The following IFT122 variants were observed in gnomAD, a reference collection of about 807,000 sequenced individuals.
IFT122 encodes the protein intraflagellar transport 122, also known as intraflagellar transport protein 122 homolog.
Under a neutral mutation model 161.6 loss-of-function variants are expected in IFT122, and 118 were observed. The observed-to-expected ratio is 0.73, with a 90% confidence interval of 0.63 to 0.85. The LOEUF is 0.85. Ranked by LOEUF, IFT122 falls within the 40% of genes least tolerant of loss-of-function variation. The probability of loss-of-function intolerance (pLI) is 0.00; values close to 1 mark genes in which losing one functional copy is unlikely to be tolerated. For synonymous variants in IFT122, 550 were observed against 602.4 expected (o/e 0.91, Z 1.27); for missense variants, 1,381 against 1,579.6 (o/e 0.87, Z 2.13).
chr3:129,478,306 C>A, intron 12 of IFT122, 88 bp downstream of exon 12: 2 of 1,098,684 alleles, frequency 1.8e-6, no homozygotes, highest in African/African-American at 1.5e-5. Context: ...GGTTTTAAAA[C>A]TGGTCACTAG....
At chr3:129,486,919 G>T (rs930527040) in intron 15 of IFT122, among the ~76,000 whole-genome samples, 1 of 152,198 alleles carries the variant, frequency 6.6e-6, no homozygotes, top group Non-Finnish European at 1.5e-5. Context: ...CCCGCTAAAG[G>T]GAGCATTTAA....
Position 129,483,746 on chromosome 3 carries a change from C to A in IFT122, c.1851+64C>A, listed in dbSNP as rs941484182. 3 of 1,433,318 alleles carry A rather than the reference C, an allele frequency of 2.1e-6. No homozygotes were observed. In the African/African-American group the frequency reaches 4.3e-5, roughly 20 times the overall value. The allele number at this position is 1,433,318 out of a possible 1,614,324, so 88.8% of individuals were successfully genotyped here. A position where few individuals can be genotyped will look rare whatever the true frequency, so the allele number is the denominator to read the frequency against. ...GCTGACAAGACCAGGGAAGCTGGGC[C>A]CTTTGCTGGTGCTTTGGGGAGAGAG... is the stretch of plus-strand genomic sequence containing the variant. On this transcript the variant is annotated intron_variant, in intron 15 of 29. Transcript: ENST00000348417.
intron 24 of IFT122, chr3:129,512,812 C>T: frequency 7.5e-6 from 2 of 268,294 alleles, no homozygotes; most frequent in South Asian, 8.4e-5. Context: ...CCTTCTGTGC[C>T]CCAAGCCCTG....
Position 129,520,237 on chromosome 3 carries a change from G to C in IFT122, c.3698G>C (p.Arg1233Pro). The change falls in exon 30 of 30, where the codon CGC becomes CCC. Residue 1233 changes from arginine (R) to proline (P), a missense_variant. Arg to Pro is a moderately radical substitution (Grantham distance 103). Transcript: ENST00000348417. ...VLQHGCCPYC[R>P]RCKDDPGP ...CAGCATGGCTGCTGCCCCTACTGCC[G>C]CAGGTGCAAGGATGACCCTGGCCCA... The C allele has an allele frequency of 6.2e-7, 1 of 1,610,838 alleles. No individual in the cohort carries two copies.
Position 129,495,618 on chromosome 3 carries a change from C to T in IFT122, c.2208+11C>T, listed in dbSNP as rs1317654356. ...TTTGAGTATGCCAAGGTAACCTACCCTGTCCCAGGCCCAAGCTCCAGCTTG... is the reference window on the plus strand; with the variant it reads ...TTTGAGTATGCCAAGGTAACCTACCTTGTCCCAGGCCCAAGCTCCAGCTTG... On this transcript the variant is annotated intron_variant, in intron 18 of 29. Transcript: ENST00000348417. The T allele has an allele frequency of 1.2e-6, 2 of 1,614,124 alleles. No homozygotes were observed. The highest frequency in any genetic ancestry group is 2.2e-5 in the East Asian group (1 of 44,888).
At chr3:129,485,041 C>T (rs1163049012) in intron 15 of IFT122, among the ~76,000 whole-genome samples, 1 of 152,242 alleles carries the variant, frequency 6.6e-6, no homozygotes, top group Non-Finnish European at 1.5e-5. Flanking sequence ...CTTGTATTTA[C>T]AGCTGCATTT....
At position 129,520,193 on chromosome 3, in the gene IFT122, CTA is replaced by C. The variant is rs758746484; in HGVS notation, c.3656_3657del (p.Tyr1219Ter). 1 of 1,612,302 alleles carries C rather than the reference CTA, an allele frequency of 6.2e-7. No homozygotes were observed. The highest frequency in any genetic ancestry group is 1.3e-5 in the African/African-American group (1 of 75,022). ...TCCCTTAGATGTTCCATTCTGAGGA[CTA>C]TGAGTTGCTGGTGCTTCAGCATGGC... is the stretch of plus-strand genomic sequence containing the variant. ...SCFQMFHSEDYELLVLQHGCC... is the reference protein window; with the variant it reads ...SCFQMFHSEDXELLVLQHGCC... On this transcript the variant is annotated frameshift_variant, in exon 30 of 30. Coordinates refer to ENST00000348417, the MANE Select transcript of IFT122 (RefSeq NM_052989.3). LOFTEE classifies it high-confidence loss of function.
intron 19 of IFT122, among the ~76,000 whole-genome samples, chr3:129,501,144 G>A (rs3821914): frequency 0.34 from 51,770 of 151,890 alleles, 13,437 homozygotes; most frequent in African/African-American, 0.69. Flanking sequence ...TCAGCACACC[G>A]GACCTTGAGG....
intron 2 of IFT122, among the ~76,000 whole-genome samples, chr3:129,450,660 C>CT (rs2074666053): frequency 6.6e-6 from 1 of 150,476 alleles, no homozygotes; most frequent in Admixed American, 6.6e-5. Flanking sequence ...TTCCAATACT[C>CT]TAACCATTTC....
chr3:129,479,697 T>A (rs1370532428), intron 12 of IFT122, 88 bp from the exon 13 acceptor site: 2 of 1,516,722 alleles, frequency 1.3e-6, no homozygotes, highest in Non-Finnish European at 1.8e-6. Context: ...AGGTATTTTC[T>A]CCCCTTAGGG....
At chr3:129,490,844 G>C (rs763970596) in intron 16 of IFT122, among the ~76,000 whole-genome samples, 1 of 152,166 alleles carries the variant, frequency 6.6e-6, no homozygotes. Flanking sequence ...TGTGATGCCC[G>C]CATTGCCCTT....
chr3:129,456,448 C>T (rs1359097144), intron 3 of IFT122, among the ~76,000 whole-genome samples: 1 of 152,054 alleles, frequency 6.6e-6, no homozygotes, highest in Non-Finnish European at 1.5e-5. Context: ...ACAAGCCTGG[C>T]CAACACAGTG....
At chr3:129,497,925 T>C (rs116415793) in intron 18 of IFT122, among the ~76,000 whole-genome samples, 3,796 of 152,318 alleles carry the variant, frequency 0.025, 142 homozygotes, top group African/African-American at 0.083. Context: ...GTATGCTTTC[T>C]GGATAAGTGA....
chr3:129,462,846 T>C (rs1277622231), intron 5 of IFT122, among the ~76,000 whole-genome samples: 2 of 152,204 alleles, frequency 1.3e-5, no homozygotes, highest in Non-Finnish European at 2.9e-5. Flanking sequence ...AGGTGACCAG[T>C]GTGCCATGGG....
intron 7 of IFT122, among the ~76,000 whole-genome samples, chr3:129,465,099 G>A (rs1189895244): frequency 2.0e-5 from 3 of 148,706 alleles, no homozygotes; most frequent in Admixed American, 6.8e-5. Context: ...ACATGTGTAC[G>A]TGTACATGTA....
chr3:129,499,735 C>T (rs993696080), intron 18 of IFT122, among the ~76,000 whole-genome samples, 167 bp from the exon 19 acceptor site: 6 of 152,300 alleles, frequency 3.9e-5, no homozygotes, highest in Middle Eastern at 3.4e-3. Context: ...TCACTCTTCC[C>T]GAGACCTGGG....
In IFT122 at chr3:129,515,645, A is replaced by G. The variant is rs575955834; in HGVS notation, c.3265+46A>G. ...CATGTGGGTGGGACAGCCTGTGGAC[A>G]GCCAGGCTCACTCCACTGCTCTCTG... is the stretch of plus-strand genomic sequence containing the variant. On this transcript the variant is annotated intron_variant, in intron 26 of 29. Transcript: ENST00000348417. 1.8e-4 allele frequency: 270 copies of G among 1,503,726 alleles called. 1 individual carries two copies. In the East Asian group the frequency reaches 5.4e-3, roughly 30 times the overall value. The allele number at this position is 1,503,726 out of a possible 1,614,324, so 93.1% of individuals were successfully genotyped here.
intron 1 of IFT122, among the ~76,000 whole-genome samples, chr3:129,441,792 T>C (rs113037071): frequency 1.3e-5 from 2 of 152,376 alleles, no homozygotes; most frequent in African/African-American, 4.8e-5. Context: ...CTTTCATTTG[T>C]ACTTTTAATA....
Position 129,444,640 on chromosome 3 carries a change from G to T in IFT122, c.41+4269G>T, listed in dbSNP as rs191062893. Among the ~76,000 whole-genome samples the T allele has an allele frequency of 3.7e-3, 558 of 152,108 alleles. 2 individuals carry two copies. The highest frequency in any genetic ancestry group is 6.2e-3 in the Non-Finnish European group (422 of 67,986). On this transcript the variant is annotated intron_variant, in intron 1 of 29. Coordinates refer to ENST00000348417, the MANE Select transcript of IFT122 (RefSeq NM_052989.3). ...AGGTTCAAGCCATTCTCCTGCCTCA[G>T]CCTCCCGAGTAGGTGGGACTACAGG... is the stretch of plus-strand genomic sequence containing the variant.
Sources: allele counts gnomAD v4.1 joint callset (sites outside exome capture counted in the v4.1 genomes callset), GRCh38; gene constraint gnomAD v4.1.1; transcripts MANE v1.5; gene names NCBI Gene and HGNC (gene_info 2026-07-23, HGNC 2026-07-21).